THSD7B: variants seen among roughly 807,000 people sequenced by gnomAD.
The protein encoded by THSD7B is thrombospondin type 1 domain containing 7B, also known as thrombospondin type-1 domain-containing protein 7B.
In THSD7B, 138 loss-of-function variants were observed where a neutral mutation model predicts 213.6. The ratio of observed to expected loss-of-function variants is 0.65; its 90% CI spans 0.56 to 0.74. The LOEUF (loss-of-function observed/expected upper bound fraction) is 0.74, where lower values mean the gene tolerates loss of function less well. Ranked by LOEUF, THSD7B falls within the 30% of genes least tolerant of loss-of-function variation. The pLI is 0.00. For synonymous variants in THSD7B, 742 were observed against 687.0 expected (o/e 1.08, Z -1.25); for missense variants, 1,931 against 1,991.5 (o/e 0.97, Z 0.58).
chr2:136,909,977 G>T (rs1684230728), intron 2 of THSD7B, among the ~76,000 whole-genome samples: 1 of 152,240 alleles, frequency 6.6e-6, no homozygotes, highest in African/African-American at 2.4e-5. Context: ...AAACGAACAG[G>T]ATCAGGTCTT....
At chr2:137,625,538 C>T (rs1396987277) in intron 20 of THSD7B, among the ~76,000 whole-genome samples, 2 of 151,880 alleles carry the variant, frequency 1.3e-5, no homozygotes, top group Non-Finnish European at 2.9e-5. Flanking sequence ...AAGTACAAAA[C>T]ATAGCAGGAC....
At chr2:136,858,249 T>G (rs1412259836) in intron 1 of THSD7B, among the ~76,000 whole-genome samples, 1 of 152,226 alleles carries the variant, frequency 6.6e-6, no homozygotes, top group Non-Finnish European at 1.5e-5. Context: ...TTTCACTGTT[T>G]CTGGAATCCT....
At chr2:136,913,250 C>T (rs972883904) in intron 2 of THSD7B, among the ~76,000 whole-genome samples, 11 of 152,210 alleles carry the variant, frequency 7.2e-5, no homozygotes, top group South Asian at 4.2e-4. Context: ...TTAGGGCATC[C>T]GGTGGAAGAA....
intron 7 of THSD7B, among the ~76,000 whole-genome samples, chr2:137,212,745 G>T (rs1373292265): frequency 3.3e-5 from 5 of 151,946 alleles, no homozygotes; most frequent in Non-Finnish European, 7.4e-5. Flanking sequence ...GAAAATATAA[G>T]ATTTTTAAGA....
intron 1 of THSD7B, among the ~76,000 whole-genome samples, chr2:136,830,065 C>T (rs1044046459): frequency 6.6e-5 from 10 of 151,934 alleles, no homozygotes; most frequent in Non-Finnish European, 7.4e-5. Context: ...TTTCCCAGCC[C>T]GTCTATGCCT....
At chr2:137,189,395 C>A (rs1367395649) in intron 7 of THSD7B, among the ~76,000 whole-genome samples, 2 of 152,186 alleles carry the variant, frequency 1.3e-5, no homozygotes, top group Non-Finnish European at 2.9e-5. Flanking sequence ...CAGCACTGAG[C>A]CTTTGCTTGT....
At chr2:137,023,860 G>A (rs1240955709) in intron 2 of THSD7B, among the ~76,000 whole-genome samples, 1 of 151,906 alleles carries the variant, frequency 6.6e-6, no homozygotes, top group East Asian at 1.9e-4. Flanking sequence ...ATTGGAAATA[G>A]GAAAACAGGA....
intron 3 of THSD7B, among the ~76,000 whole-genome samples, chr2:137,074,223 T>G (rs1687566583): frequency 6.6e-6 from 1 of 152,064 alleles, no homozygotes; most frequent in Non-Finnish European, 1.5e-5. Context: ...GGAGTCTAAG[T>G]CTCTTTGTAG....
intron 10 of THSD7B, among the ~76,000 whole-genome samples, chr2:137,248,764 C>G (rs1218747806): frequency 2.6e-5 from 4 of 152,170 alleles, no homozygotes; most frequent in Non-Finnish European, 5.9e-5. Context: ...GCCTGGAACA[C>G]TGGCCCAAAA....
intron 1 of THSD7B, among the ~76,000 whole-genome samples, chr2:136,768,913 T>G (rs1246509807): frequency 3.9e-5 from 6 of 152,186 alleles, no homozygotes; most frequent in African/African-American, 1.4e-4. Flanking sequence ...GATTAATATC[T>G]AAGTGATAAT....
intron 17 of THSD7B, among the ~76,000 whole-genome samples, chr2:137,593,020 C>A (rs1262201813): frequency 1.3e-5 from 2 of 151,890 alleles, no homozygotes; most frequent in African/African-American, 4.8e-5. Flanking sequence ...CCACACAGTT[C>A]TTTTGGGCTG....
chr2:137,554,471 T>C (rs1680911442), intron 15 of THSD7B, among the ~76,000 whole-genome samples: 1 of 152,168 alleles, frequency 6.6e-6, no homozygotes, highest in Non-Finnish European at 1.5e-5. Context: ...TCTGAGCATA[T>C]TGACTCAGTA....
intron 7 of THSD7B, among the ~76,000 whole-genome samples, chr2:137,196,289 C>G (rs13403891): frequency 6.6e-6 from 1 of 151,702 alleles, no homozygotes; most frequent in African/African-American, 2.4e-5. Context: ...TCAGCTGCTT[C>G]TGATGTTTCT....
chr2:137,039,198 G>C (rs1686832744), intron 2 of THSD7B, among the ~76,000 whole-genome samples: 2 of 152,248 alleles, frequency 1.3e-5, no homozygotes, highest in South Asian at 4.1e-4. Context: ...TGGGTTTCAA[G>C]CTCTTGGATC....
intron 18 of THSD7B, 51 bp downstream of exon 18, chr2:137,616,367 A>G (rs2104838329): frequency 6.4e-7 from 1 of 1,556,928 alleles, no homozygotes; most frequent in East Asian, 2.3e-5. Context: ...TTGACTAATG[A>G]GAGAATTTTT....
At chr2:137,087,757 A>G (rs192384788) in intron 3 of THSD7B, among the ~76,000 whole-genome samples, 4 of 152,298 alleles carry the variant, frequency 2.6e-5, no homozygotes, top group Admixed American at 2.0e-4. Context: ...TGCAATTCCT[A>G]TAAAATATAC....
At chr2:137,587,199 G>T (rs1199680645) in intron 17 of THSD7B, among the ~76,000 whole-genome samples, 3 of 152,220 alleles carry the variant, frequency 2.0e-5, no homozygotes, top group Non-Finnish European at 2.9e-5. Context: ...GGTCCTTTAA[G>T]GACTTCTCTA....
intron 17 of THSD7B, among the ~76,000 whole-genome samples, chr2:137,576,505 CTG>C (rs550383473): frequency 6.6e-6 from 1 of 152,120 alleles, no homozygotes; most frequent in Non-Finnish European, 1.5e-5. Context: ...CCAGAACAAT[CTG>C]TGAGAAACGA....
At position 136,824,356 on chromosome 2, in the gene THSD7B, T is replaced by C. The variant is rs558161730; in HGVS notation, c.-35-57788T>C. Among the ~76,000 whole-genome samples the C allele has an allele frequency of 7.9e-5, 12 of 152,160 alleles. No individual in the cohort carries two copies. The South Asian group carries it at 2.3e-3, about 29-fold the overall frequency. ...GTACTTTGTACTGAGCAGATATATA[T>C]ATATAAGCTCCCTTTGATTATTTAA... On this transcript the variant is annotated intron_variant, in intron 1 of 27. Transcript: ENST00000409968.
Sources: allele counts gnomAD v4.1 joint callset (sites outside exome capture counted in the v4.1 genomes callset), GRCh38; gene constraint gnomAD v4.1.1; transcripts MANE v1.5; gene names NCBI Gene and HGNC (gene_info 2026-07-23, HGNC 2026-07-21).